Variants in EPHB1 observed in about 807,000 individuals in gnomAD.
EPHB1 encodes the protein EPH receptor B1.
A neutral mutation model predicts 94.4 loss-of-function variants in EPHB1; 30 were observed. The observed-to-expected ratio is 0.32, with a 90% confidence interval of 0.24 to 0.43. The LOEUF is 0.43. Ranked by LOEUF, EPHB1 falls within the 20% of genes least tolerant of loss-of-function variation. The pLI, the probability that EPHB1 is intolerant of heterozygous loss-of-function variation, is 1.00. For synonymous variants in EPHB1, 522 were observed against 489.1 expected (o/e 1.07, Z -0.89); for missense variants, 1,055 against 1,308.3 (o/e 0.81, Z 2.99).
At chr3:134,961,154 A>T (rs1045606167) in intron 3 of EPHB1, among the ~76,000 whole-genome samples, 3 of 152,126 alleles carry the variant, frequency 2.0e-5, no homozygotes, top group Admixed American at 6.5e-5. Context: ...CTTATATATG[A>T]GATTCAGCAT....
chr3:135,154,778 A>C (rs1424715987), intron 6 of EPHB1, among the ~76,000 whole-genome samples: 1 of 152,214 alleles, frequency 6.6e-6, no homozygotes, highest in Non-Finnish European at 1.5e-5. Context: ...AAAAATTAAC[A>C]GAAATATAAA....
chr3:134,998,634 G>C (rs138509351), intron 3 of EPHB1, among the ~76,000 whole-genome samples: 249 of 152,284 alleles, frequency 1.6e-3, no homozygotes, highest in African/African-American at 5.6e-3. Context: ...GCTAAAAAAT[G>C]TGTGAATGCT....
At chr3:134,952,207 G>A (rs536809299) in intron 3 of EPHB1, among the ~76,000 whole-genome samples, 155 bp downstream of exon 3, 7 of 152,298 alleles carry the variant, frequency 4.6e-5, no homozygotes, top group Non-Finnish European at 8.8e-5. Context: ...TAGGCCTGAT[G>A]ATTTTCCAAT....
chr3:135,056,238 A>G (rs1156720618), intron 3 of EPHB1, among the ~76,000 whole-genome samples: 1 of 152,214 alleles, frequency 6.6e-6, no homozygotes, highest in African/African-American at 2.4e-5. Flanking sequence ...TGAAGAAGGT[A>G]AGGCTCCCTT....
At chr3:135,047,451 C>T (rs1185986519) in intron 3 of EPHB1, among the ~76,000 whole-genome samples, 1 of 152,196 alleles carries the variant, frequency 6.6e-6, no homozygotes, top group Non-Finnish European at 1.5e-5. Flanking sequence ...CCATTGGCAT[C>T]TGCAGGTCTT....
At chr3:135,193,678 C>A (rs779311290) in intron 11 of EPHB1, among the ~76,000 whole-genome samples, 20 of 152,182 alleles carry the variant, frequency 1.3e-4, no homozygotes, top group Non-Finnish European at 2.9e-4. Context: ...ACACACATTA[C>A]CAAAGCAACC....
At chr3:134,817,048 G>C (rs969496120) in intron 1 of EPHB1, among the ~76,000 whole-genome samples, 19 of 152,252 alleles carry the variant, frequency 1.2e-4, no homozygotes, top group Non-Finnish European at 4.4e-5. Flanking sequence ...ACAGGGACTA[G>C]GGTAAGAAGA....
intron 1 of EPHB1, among the ~76,000 whole-genome samples, chr3:134,804,178 T>C (rs2035991143): frequency 6.9e-6 from 1 of 145,942 alleles, no homozygotes; most frequent in Non-Finnish European, 1.5e-5. Flanking sequence ...GAAAAAGAGG[T>C]TTAATTGGAC....
intron 3 of EPHB1, among the ~76,000 whole-genome samples, chr3:135,011,154 A>T (rs1376148630): frequency 2.6e-5 from 4 of 152,184 alleles, no homozygotes; most frequent in Non-Finnish European, 5.9e-5. Flanking sequence ...ACATAAATTA[A>T]AATTCCTTTG....
chr3:134,941,432 G>A (rs1253613957), intron 2 of EPHB1, among the ~76,000 whole-genome samples: 3 of 148,388 alleles, frequency 2.0e-5, no homozygotes, highest in African/African-American at 5.1e-5. Flanking sequence ...TCTGTGCTTG[G>A]AACTGTCTTT....
intron 1 of EPHB1, among the ~76,000 whole-genome samples, chr3:134,905,638 T>C (rs1181554233): frequency 2.0e-5 from 3 of 152,226 alleles, no homozygotes; most frequent in Non-Finnish European, 1.5e-5. Context: ...GGCCAGTCAG[T>C]GTGGCCTGTG....
chr3:134,857,325 CT>C (rs2037143670), intron 1 of EPHB1, among the ~76,000 whole-genome samples: 1 of 152,152 alleles, frequency 6.6e-6, no homozygotes, highest in South Asian at 2.1e-4. Flanking sequence ...CCAGTTCTGT[CT>C]TGTGTCTTCC....
intron 3 of EPHB1, among the ~76,000 whole-genome samples, chr3:135,103,925 C>T (rs1038976530): frequency 6.6e-6 from 1 of 152,222 alleles, no homozygotes; most frequent in Non-Finnish European, 1.5e-5. Flanking sequence ...CTTTCCACAT[C>T]CCCCTGCCAC....
chr3:135,030,502 C>T (rs904915035), intron 3 of EPHB1, among the ~76,000 whole-genome samples: 3 of 152,160 alleles, frequency 2.0e-5, no homozygotes, highest in Non-Finnish European at 4.4e-5. Context: ...GTCAGTATGC[C>T]CCTGCTGGAG....
intron 12 of EPHB1, among the ~76,000 whole-genome samples, chr3:135,225,322 G>T (rs979276013): frequency 1.3e-5 from 2 of 152,184 alleles, no homozygotes; most frequent in African/African-American, 2.4e-5. Flanking sequence ...GGTCAACAAG[G>T]CCCGATGGGA....
chr3:134,812,629 G>T (rs1393011500), intron 1 of EPHB1, among the ~76,000 whole-genome samples: 1 of 152,158 alleles, frequency 6.6e-6, no homozygotes, highest in Non-Finnish European at 1.5e-5. Flanking sequence ...TTTGTTTGGG[G>T]AAATACCTGG....
At chr3:134,943,012 A>C (rs1186092160) in intron 2 of EPHB1, among the ~76,000 whole-genome samples, 1 of 152,242 alleles carries the variant, frequency 6.6e-6, no homozygotes, top group Admixed American at 6.5e-5. Context: ...TGGCAGATAA[A>C]TCTAAGCCAG....
chr3:134,910,454 G>A lies in EPHB1; in HGVS notation c.59-15362G>A, dbSNP rs73861988. ...AAGAGCTCTGTGAGGCTGGTGAGGA[G>A]GATATTTATGGCATTGTGAATATTT... On this transcript the variant is annotated intron_variant, in intron 1 of 15. Coordinates refer to ENST00000398015, the MANE Select transcript of EPHB1 (RefSeq NM_004441.5). Among the ~76,000 whole-genome samples, 389 of 152,332 alleles carry A rather than the reference G, an allele frequency of 2.6e-3. 3 individuals carry two copies. The highest frequency in any genetic ancestry group is 9.0e-3 in the African/African-American group (376 of 41,574).
chr3:135,122,956 G>A (rs1940036134), intron 4 of EPHB1, among the ~76,000 whole-genome samples: 2 of 152,212 alleles, frequency 1.3e-5, no homozygotes, highest in South Asian at 2.1e-4. Flanking sequence ...GACTCGCTTA[G>A]CATAGTCCTG....
Sources: allele counts gnomAD v4.1 joint callset (sites outside exome capture counted in the v4.1 genomes callset), GRCh38; gene constraint gnomAD v4.1.1; transcripts MANE v1.5; gene names NCBI Gene and HGNC (gene_info 2026-07-23, HGNC 2026-07-21).